The following CDH18 variants were observed in gnomAD, a reference collection of about 807,000 sequenced individuals.
CDH18 encodes cadherin-18.
In CDH18, 31 loss-of-function variants were observed where a neutral mutation model predicts 67.9. The ratio of observed to expected loss-of-function variants is 0.46; its 90% confidence interval spans 0.34 to 0.62. CDH18 has a LOEUF of 0.62. Among genes scored for constraint, CDH18 ranks in the 20% least tolerant of loss-of-function variants. The probability of loss-of-function intolerance (pLI) is 0.01; values close to 1 mark genes in which losing one functional copy is unlikely to be tolerated. For synonymous variants in CDH18, 362 were observed against 347.2 expected (o/e 1.04, Z -0.48); for missense variants, 890 against 975.5 (o/e 0.91, Z 1.17).
intron 5 of CDH18, among the ~76,000 whole-genome samples, chr5:19,690,048 A>ATATATATGTGTGTATATAT (rs1253839994): frequency 2.3e-4 from 34 of 150,266 alleles, no homozygotes; most frequent in African/African-American, 7.7e-4. Context: ...GGGATCAAAT[A>ATATATATGTGTGTATATAT]TATATATGTG....
At chr5:19,968,681 T>C (rs79637726) in intron 2 of CDH18, among the ~76,000 whole-genome samples, 70,341 of 132,836 alleles carry the variant, frequency 0.53, 19,783 homozygotes, top group Middle Eastern at 0.7. Context: ...ACACCTTATA[T>C]AAAAATTAAT....
In CDH18 at chr5:20,272,923, TA is replaced by T. The variant is rs537378919; in HGVS notation, c.-579-17419del. On this transcript the variant is annotated intron_variant, in intron 1 of 14. Coordinates refer to the CDH18 transcript ENST00000507958. ...ATGTGAAAGTTTTCAATGTAATAGC[TA>T]AATGCTAATGAAAATGCAGTAATGT... Among the ~76,000 whole-genome samples the T allele has an allele frequency of 1.6e-4, 25 of 152,198 alleles. No homozygotes were observed. The East Asian group carries it at 3.7e-3, about 22-fold the overall frequency.
intron 2 of CDH18, among the ~76,000 whole-genome samples, chr5:20,118,076 C>T (rs1236860373): frequency 6.6e-6 from 1 of 152,090 alleles, no homozygotes; most frequent in Non-Finnish European, 1.5e-5. Context: ...AAAGAATCAA[C>T]TTCTTAGGAA....
At chr5:19,482,064 T>C (rs1739519721) in intron 12 of CDH18, among the ~76,000 whole-genome samples, 1 of 152,124 alleles carries the variant, frequency 6.6e-6, no homozygotes, top group Non-Finnish European at 1.5e-5. Context: ...AGAGAAAGTG[T>C]GTTTTTTAAT....
chr5:20,486,685 A>G (rs1295036856), intron 1 of CDH18, among the ~76,000 whole-genome samples: 8 of 148,632 alleles, frequency 5.4e-5, no homozygotes, highest in Non-Finnish European at 5.9e-5. Flanking sequence ...ATTTTTGTAT[A>G]TATATATATA....
At chr5:19,982,972 A>G (rs1479257964) in intron 1 of CDH18, among the ~76,000 whole-genome samples, 1 of 122,400 alleles carries the variant, frequency 8.2e-6, no homozygotes, top group Admixed American at 9.3e-5. Context: ...TGAACCTGGG[A>G]GGTGGAGCTT....
intron 2 of CDH18, among the ~76,000 whole-genome samples, chr5:20,166,573 C>T (rs1162408591): frequency 6.6e-6 from 1 of 152,046 alleles, no homozygotes; most frequent in Non-Finnish European, 1.5e-5. Flanking sequence ...TAAGAGTCAC[C>T]TCGAAAGCAT....
intron 2 of CDH18, among the ~76,000 whole-genome samples, chr5:19,873,680 C>T (rs1335361114): frequency 4.0e-5 from 6 of 151,880 alleles, no homozygotes; most frequent in South Asian, 2.1e-4. Flanking sequence ...CAGAGTCTTG[C>T]TTTGTCGCCC....
intron 1 of CDH18, among the ~76,000 whole-genome samples, chr5:20,310,753 C>A (rs1281585294): frequency 6.6e-6 from 1 of 152,172 alleles, no homozygotes; most frequent in African/African-American, 2.4e-5. Context: ...TCTAGAAACA[C>A]TTCTTTGTAA....
chr5:20,163,768 T>G (rs1156611882), intron 2 of CDH18, among the ~76,000 whole-genome samples: 1 of 152,204 alleles, frequency 6.6e-6, no homozygotes, highest in Non-Finnish European at 1.5e-5. Flanking sequence ...TCACTAAAGT[T>G]TTCTCAGCTA....
chr5:19,719,389 A>C (rs1765723805), intron 5 of CDH18, among the ~76,000 whole-genome samples: 1 of 152,014 alleles, frequency 6.6e-6, no homozygotes, highest in Non-Finnish European at 1.5e-5. Flanking sequence ...CATTCCTGTT[A>C]CTTTCCTCTA....
At chr5:20,533,291 T>C (rs890925310) in intron 1 of CDH18, among the ~76,000 whole-genome samples, 2 of 152,104 alleles carry the variant, frequency 1.3e-5, no homozygotes, top group Non-Finnish European at 2.9e-5. Context: ...GACTTCAGAA[T>C]TAAAAGACAG....
rs567683415 is a variant in CDH18 at position 19,584,460 on chromosome 5, C to T, written c.999+6597G>A. On this transcript the variant is annotated intron_variant, in intron 7 of 12. Transcript: ENST00000382275. The stretch of plus-strand genomic sequence containing the variant: ...TAAGAACTGTTTTATCTTTTTTCTG[C>T]CATCTCAATGAGTATCTCTTGAAGG... 5.3e-5 allele frequency among the ~76,000 whole-genome samples: 8 copies of T among 151,990 alleles called. No homozygotes were observed. In the East Asian group the frequency reaches 1.5e-3, roughly 29 times the overall value.
chr5:19,557,002 C>T (rs1375190173), intron 8 of CDH18, among the ~76,000 whole-genome samples: 1 of 152,070 alleles, frequency 6.6e-6, no homozygotes, highest in African/African-American at 2.4e-5. Flanking sequence ...GAACAAAACA[C>T]TTCTCAGTCA....
Position 19,712,032 on chromosome 5 carries a change from T to C in CDH18, c.643+9315A>G, listed in dbSNP as rs370777786. The stretch of plus-strand genomic sequence containing the variant: ...GGAACATAGACGGAACTGGAAGCCA[T>C]TATCTTAAGTAAAATAATGCAAAGA... On this transcript the variant is annotated intron_variant, in intron 5 of 12. Coordinates refer to ENST00000382275, the MANE Select transcript of CDH18 (RefSeq NM_004934.5). Among the ~76,000 whole-genome samples, 12 of 152,158 alleles carry C rather than the reference T, an allele frequency of 7.9e-5. 1 individual carries two copies. Among genetic ancestry groups the C allele is most frequent in the African/African-American group, 2.6e-4 (11 of 41,550 alleles).
At chr5:20,477,229 G>A (rs1752501920) in intron 1 of CDH18, among the ~76,000 whole-genome samples, 1 of 152,038 alleles carries the variant, frequency 6.6e-6, no homozygotes, top group South Asian at 2.1e-4. Context: ...ACACGAGGGA[G>A]AGAGAGCAAG....
chr5:20,421,654 C>A (rs1426042709), intron 1 of CDH18, among the ~76,000 whole-genome samples: 1 of 150,748 alleles, frequency 6.6e-6, no homozygotes, highest in African/African-American at 2.5e-5. Flanking sequence ...ACTGCAGAGT[C>A]ATGGGTTAGC....
intron 2 of CDH18, among the ~76,000 whole-genome samples, chr5:20,010,997 C>T (rs574739118): frequency 6.6e-6 from 1 of 152,282 alleles, no homozygotes; most frequent in South Asian, 2.1e-4. Flanking sequence ...TTATCCCCTG[C>T]ACGCACACAT....
intron 2 of CDH18, among the ~76,000 whole-genome samples, chr5:20,172,105 C>T (rs929358064): frequency 6.8e-5 from 10 of 146,046 alleles, no homozygotes; most frequent in African/African-American, 2.5e-4. Flanking sequence ...TAGTCCCCCA[C>T]CCTAACCACT....
Sources: allele counts gnomAD v4.1 joint callset (sites outside exome capture counted in the v4.1 genomes callset), GRCh38; gene constraint gnomAD v4.1.1; transcripts MANE v1.5; gene names NCBI Gene and HGNC (gene_info 2026-07-23, HGNC 2026-07-21).